The following SNX9 variants were observed in gnomAD, a reference collection of about 807,000 sequenced individuals.
The protein encoded by SNX9 is sorting nexin-9.
SNX9 carries 44 observed loss-of-function variants against 89.4 expected under a neutral mutation model. That is an observed-to-expected ratio of 0.49 (90% confidence interval 0.39 to 0.63). SNX9 has a LOEUF of 0.63. SNX9 is among the 30% of genes least tolerant of loss of function. SNX9 has a pLI of 0.00. For missense variants in SNX9, 578 were observed against 736.1 expected, an observed-to-expected ratio of 0.79 and a Z score of 2.49; for synonymous variants, 236 against 247.8, an observed-to-expected ratio of 0.95 and a Z score of 0.45.
intron 1 of SNX9, chr6:157,830,406 G>A (rs1236393418): frequency 6.6e-6 from 1 of 152,226 alleles, no homozygotes; most frequent in African/African-American, 2.4e-5. Context: ...CTGCTGGGAA[G>A]CCAGTTAGCT....
intron 16 of SNX9, among the ~76,000 whole-genome samples, chr6:157,940,458 C>T (rs1485142135): frequency 6.6e-6 from 1 of 152,204 alleles, no homozygotes; most frequent in Non-Finnish European, 1.5e-5. Flanking sequence ...CGCTCTGTCA[C>T]CCAGGCTGGA....
chr6:157,856,703 G>C (rs1782019584), intron 1 of SNX9, among the ~76,000 whole-genome samples: 1 of 152,052 alleles, frequency 6.6e-6, no homozygotes, highest in South Asian at 2.1e-4. Context: ...CGTATTTGTT[G>C]GGATGGATTT....
Position 157,896,972 on chromosome 6 carries a change from GCC to G in SNX9, c.447_448del (p.His150ProfsTer11). ...CCCAACAACTGGGACACTGCCTTCG[GCC>G]ACCCCCAGGCCTACCAAGGACCAGG... On this transcript the variant is annotated frameshift_variant, in exon 5 of 18. Transcript: ENST00000392185. LOFTEE classifies it high-confidence loss of function. The G allele has an allele frequency of 6.2e-7, 1 of 1,609,486 alleles. No individual in the cohort carries two copies. Among genetic ancestry groups the G allele is most frequent in the Admixed American group, 1.7e-5 (1 of 58,360 alleles).
At chr6:157,865,617 A>C (rs544906615) in intron 1 of SNX9, among the ~76,000 whole-genome samples, 1 of 152,228 alleles carries the variant, frequency 6.6e-6, no homozygotes, top group African/African-American at 2.4e-5. Context: ...ACATGGAGAA[A>C]GGTTGGAATT....
At chr6:157,877,334 G>A (rs1782541262) in intron 4 of SNX9, among the ~76,000 whole-genome samples, 2 of 151,984 alleles carry the variant, frequency 1.3e-5, no homozygotes, top group Non-Finnish European at 2.9e-5. Context: ...TGAAAGCAAA[G>A]AAAAATGAAC....
chr6:157,872,967 A>C, intron 2 of SNX9, 135 bp from the exon 3 acceptor site: 1 of 539,692 alleles, frequency 1.9e-6, no homozygotes, highest in South Asian at 4.2e-5. Flanking sequence ...TAAGATTTTG[A>C]ACGGTGTTCT....
chr6:157,835,901 C>T (rs1781573274), intron 1 of SNX9, among the ~76,000 whole-genome samples: 1 of 152,026 alleles, frequency 6.6e-6, no homozygotes, highest in Non-Finnish European at 1.5e-5. Context: ...AGTCTGGGAC[C>T]ACAGGCATAC....
At chr6:157,847,411 C>T (rs1319527502) in intron 1 of SNX9, among the ~76,000 whole-genome samples, 1 of 152,086 alleles carries the variant, frequency 6.6e-6, no homozygotes, top group Non-Finnish European at 1.5e-5. Context: ...CCTTGTAGTA[C>T]TTATTTTAAA....
At chr6:157,852,705 T>C (rs187170762) in intron 1 of SNX9, among the ~76,000 whole-genome samples, 100 of 152,220 alleles carry the variant, frequency 6.6e-4, no homozygotes, top group African/African-American at 2.3e-3. Context: ...ACCTGCCAAG[T>C]AGCTAGGACT....
intron 1 of SNX9, among the ~76,000 whole-genome samples, chr6:157,858,580 TA>T (rs1435297956): frequency 6.6e-6 from 1 of 152,146 alleles, no homozygotes; most frequent in East Asian, 1.9e-4. Flanking sequence ...GGTATTGATA[TA>T]GGGGTGGGAG....
chr6:157,924,431 G>A (rs1783647661), intron 10 of SNX9: 1 of 152,148 alleles, frequency 6.6e-6, no homozygotes, highest in Non-Finnish European at 1.5e-5. Flanking sequence ...TTCACTCTGA[G>A]TTTTGGTTGA....
intron 2 of SNX9, 25 bp from the exon 3 acceptor site, chr6:157,873,077 T>TC (rs768931540): frequency 1.4e-6 from 2 of 1,465,616 alleles, no homozygotes; most frequent in South Asian, 1.5e-5. Flanking sequence ...TTTTTCTTTT[T>TC]TTTTTTTTTT....
intron 4 of SNX9, among the ~76,000 whole-genome samples, chr6:157,893,043 A>G (rs1318716660): frequency 6.6e-6 from 1 of 152,062 alleles, no homozygotes; most frequent in South Asian, 2.1e-4. Context: ...AGTGTCCCAA[A>G]CTTTGGTACT....
intron 4 of SNX9, among the ~76,000 whole-genome samples, chr6:157,887,442 A>T (rs956970611): frequency 6.6e-6 from 1 of 152,076 alleles, no homozygotes; most frequent in Non-Finnish European, 1.5e-5. Context: ...TGTCCTCTGC[A>T]GTCTCCAGAG....
intron 12 of SNX9, among the ~76,000 whole-genome samples, chr6:157,929,981 T>A (rs1783774844): frequency 6.6e-6 from 1 of 152,212 alleles, no homozygotes; most frequent in Non-Finnish European, 1.5e-5. Flanking sequence ...CATGCCCATT[T>A]ATTTGTATAT....
chr6:157,914,469 C>CTTTTTTTTTTTTTTCTT (rs1783418313), intron 9 of SNX9, among the ~76,000 whole-genome samples: 1 of 75,114 alleles, frequency 1.3e-5, no homozygotes, highest in African/African-American at 5.6e-5. Context: ...TTTTCTTTTT[C>CTTTTTTTTTTTTTTCTT]TTTTTTTTTT....
In SNX9 at chr6:157,867,708, C is replaced by T. The variant is rs1583207714; in HGVS notation, c.99+75C>T. 6.7e-6 allele frequency: 8 copies of T among 1,193,828 alleles called. No homozygotes were observed. In the East Asian group the frequency reaches 2.0e-4, roughly 30 times the overall value. The allele number at this position is 1,193,828 out of a possible 1,614,324, so 74.0% of individuals were successfully genotyped here. ...TAACAAATCCGGTAAGAGAACTGTA[C>T]ATTCGAGTCTGATTGTCCCATGTGG... On this transcript the variant is annotated intron_variant, in intron 2 of 17. Transcript: ENST00000392185.
At position 157,901,981 on chromosome 6, in the gene SNX9, G is replaced by T; in HGVS notation, c.556G>T (p.Ala186Ser). ...CTTTAAGGATTCAGAGTCAGCTGATGCAGGCGGCGCTCAGCGAGGAAACAG... is the reference window on the plus strand; with the variant it reads ...CTTTAAGGATTCAGAGTCAGCTGATTCAGGCGGCGCTCAGCGAGGAAACAG... Reference protein sequence around the residue: ...SYFKDSESADAGGAQRGNSRA... With the variant: ...SYFKDSESADSGGAQRGNSRA... Residue 186 changes from alanine (A) to serine (S), a missense_variant, in exon 6 of 18, where the codon GCA (alanine) becomes TCA (serine). This residue lies in a region of SNX9 where 230 missense variants were observed against 244.7 expected (regional missense o/e 0.94). Transcript: ENST00000392185. 5.0e-6 allele frequency: 8 copies of T among 1,613,780 alleles called. No individual in the cohort carries two copies. The highest frequency in any genetic ancestry group is 6.8e-6 in the Non-Finnish European group (8 of 1,179,934).
intron 1 of SNX9, among the ~76,000 whole-genome samples, chr6:157,842,132 T>A (rs1330123830): frequency 6.6e-6 from 1 of 152,240 alleles, no homozygotes; most frequent in African/African-American, 2.4e-5. Context: ...ATTCTTAATA[T>A]CTTCAAATAT....
Sources: gnomAD v4.1 joint callset for allele counts (sites outside exome capture counted in the v4.1 genomes callset) on GRCh38, gnomAD v4.1.1 for gene constraint, gnomAD v4.1.1 regional missense constraint, MANE v1.5 for transcripts, NCBI Gene and HGNC (gene_info 2026-07-23, HGNC 2026-07-21) for gene names.